Variants in FCGR3B observed in about 807,000 individuals in gnomAD.
The protein encoded by FCGR3B is Fc gamma receptor IIIb.
A neutral mutation model predicts 26.7 loss-of-function variants in FCGR3B; 20 were observed. The ratio of observed to expected loss-of-function variants is 0.75; its 90% CI spans 0.53 to 1.09. FCGR3B has a LOEUF of 1.09. Ranked by LOEUF, FCGR3B falls within the 50% of genes least tolerant of loss-of-function variation. The pLI is 0.00. For synonymous variants in FCGR3B, 79 were observed against 107.0 expected (o/e 0.74, Z 1.62); for missense variants, 191 against 279.7 (o/e 0.68, Z 2.26).
At chr1:161,624,904 G>A (rs1440517790) in intron 4 of FCGR3B, among the ~76,000 whole-genome samples, 1 of 143,820 alleles carries the variant, frequency 7.0e-6, no homozygotes, top group Non-Finnish European at 1.5e-5. Flanking sequence ...AACAAGTTAG[G>A]TTGTAAGCTG....
rs916587969 is a variant in FCGR3B, at chr1:161,631,155, G to T, written c.-61C>A. The T allele has an allele frequency of 1.1e-5, 18 of 1,607,390 alleles. 4 individuals carry two copies. The African/African-American group carries it at 1.8e-4, about 16-fold the overall frequency. On this transcript the variant is annotated 5_prime_UTR_variant, in exon 1 of 5. Coordinates refer to ENST00000650385, the MANE Select transcript of FCGR3B (RefSeq NM_001244753.2). Reference sequence around the variant, plus strand: ...TCCGGAGCCCTAAAGGGACCAAGCCGACTAGACAGGAGGGAGTAAACAGCC... The same window carrying T: ...TCCGGAGCCCTAAAGGGACCAAGCCTACTAGACAGGAGGGAGTAAACAGCC...
At position 161,630,288 on chromosome 1, in the gene FCGR3B, C is replaced by T. The variant is rs1679672523; in HGVS notation, c.61+80G>A. 29 of 1,447,158 alleles carry T rather than the reference C, an allele frequency of 2.0e-5. 1 individual carries two copies. Among genetic ancestry groups the T allele is most frequent in the Non-Finnish European group, 2.6e-5 (27 of 1,041,714 alleles). 89.6% of individuals were successfully genotyped at this position (1,447,158 alleles called of 1,614,324 possible). A position where few individuals can be genotyped will look rare whatever the true frequency, so the allele number is the denominator to read the frequency against. On this transcript the variant is annotated intron_variant, in intron 2 of 4. Coordinates refer to ENST00000650385, the MANE Select transcript of FCGR3B (RefSeq NM_001244753.2). ...CCCACATCAGCATTTTCCCATTCAA[C>T]AAGCATTTCCCAATATCTTATGGCC...
chr1:161,631,516 G>T (rs1366659556), upstream of FCGR3B: 2 of 462,364 alleles, frequency 4.3e-6, no homozygotes, highest in Non-Finnish European at 7.5e-6. Flanking sequence ...ATTCTCTGAG[G>T]GCTTCCTGCA....
rs1374924532 is a variant in FCGR3B at position 161,624,031 on chromosome 1, C to A, written c.*484G>T. The stretch of plus-strand genomic sequence containing the variant: ...CAGCAGTTCCCACACTCTGTAGGGT[C>A]CTGCCTCAACCATTAATTCTACTTA... On this transcript the variant is annotated 3_prime_UTR_variant, in exon 5 of 5. Transcript: ENST00000650385. 1 of 160,594 alleles carries A rather than the reference C, an allele frequency of 6.2e-6. No homozygotes were observed. The highest frequency in any genetic ancestry group is 1.4e-5 in the Non-Finnish European group (1 of 73,198). 9.9% of individuals were successfully genotyped at this position (160,594 alleles called of 1,614,324 possible). A position where few individuals can be genotyped will look rare whatever the true frequency, so the allele number is the denominator to read the frequency against.
chr1:161,631,258 A>T, upstream of FCGR3B: 1 of 1,506,116 alleles, frequency 6.6e-7, no homozygotes. Flanking sequence ...CTCAATCTGA[A>T]GTCTCGCAAT....
At position 161,626,631 on chromosome 1, in the gene FCGR3B, C is replaced by T. The variant is rs1489107777; in HGVS notation, c.320-229G>A. ...GAGGGACACACACACATGTGATCAA[C>T]ACACAGGGTTAGAGCAGAGGGACTA... On this transcript the variant is annotated intron_variant, in intron 3 of 4. Transcript: ENST00000650385. Among the ~76,000 whole-genome samples, 10 of 148,792 alleles carry T rather than the reference C, an allele frequency of 6.7e-5. No individual in the cohort carries two copies. The East Asian group carries it at 2.0e-3, about 29-fold the overall frequency.
chr1:161,630,912 G>T, intron 1 of FCGR3B, 143 bp downstream of exon 1: 1 of 1,450,266 alleles, frequency 6.9e-7, no homozygotes, highest in Non-Finnish European at 9.1e-7. Flanking sequence ...ATCTTGGCTT[G>T]TCCTGGTAGC....
In FCGR3B at chr1:161,626,832, T is replaced by A. The variant is rs183773575; in HGVS notation, c.320-430A>T. ...AGGAAAAGGTAGATTTCAGAAGGAA[T>A]AGGCAATCAAAGGAATATTGAAAGA... On this transcript the variant is annotated intron_variant, in intron 3 of 4. Transcript: ENST00000650385. 4.7e-5 allele frequency among the ~76,000 whole-genome samples: 7 copies of A among 150,414 alleles called. 1 individual carries two copies. The highest frequency in any genetic ancestry group is 1.7e-4 in the African/African-American group (7 of 40,472).
chr1:161,626,096 G>T (rs757115083), intron 4 of FCGR3B, 49 bp downstream of exon 4: 2 of 1,588,976 alleles, frequency 1.3e-6, no homozygotes, highest in Non-Finnish European at 1.7e-6. Context: ...GTGAGTGCAG[G>T]TTCCACACAC....
chr1:161,628,466 A>C (rs1466416783), intron 3 of FCGR3B, among the ~76,000 whole-genome samples: 1 of 149,770 alleles, frequency 6.7e-6, no homozygotes, highest in African/African-American at 2.5e-5. Context: ...GCCAAGTTCA[A>C]GGCAAACTAG....
Position 161,626,196 on chromosome 1 carries a change from C to T in FCGR3B, c.526G>A (p.Val176Ile), listed in dbSNP as rs200215055. 1.9e-5 allele frequency: 31 copies of T among 1,609,572 alleles called. No homozygotes were observed. The highest frequency in any genetic ancestry group is 2.4e-5 in the Non-Finnish European group (28 of 1,178,216). ...TCTGAAGACACATTTTTACTCCCAA[C>T]AAGCCCCCTGCAGAAGTAGGAGCCG... ...DSGSYFCRGL[V>I]GSKNVSSETV... Residue 176 changes from valine to isoleucine, a missense_variant, in exon 4 of 5, where the codon GTT (valine) becomes ATT (isoleucine). Around this residue, in one of 2 missense-constraint regions of FCGR3B, gnomAD observed 103 missense variants for 114.5 expected, o/e 0.90. Coordinates refer to ENST00000650385, the MANE Select transcript of FCGR3B (RefSeq NM_001244753.2).
chr1:161,626,242 T>C lies in FCGR3B; in HGVS notation c.480A>G (p.Pro160=), dbSNP rs114169903. 0.018 allele frequency: 28,602 copies of C among 1,607,670 alleles called. 599 individuals are homozygous for C. The highest frequency in any genetic ancestry group is 0.072 in the African/African-American group (5,256 of 73,460). ...YFHHNSDFHI[P]KATLKDSGSY... is the part of the protein sequence containing the mutation. ...AGCCGCTATCTTTGAGTGTGGCTTT[T>C]GGAATGTGGAAGTCAGAATTATGAT... Residue 160 remains proline, a synonymous_variant, in exon 4 of 5, where the codon CCA becomes CCG. Transcript: ENST00000650385.
chr1:161,630,860 T>C, intron 1 of FCGR3B, 195 bp downstream of exon 1: 1 of 1,349,506 alleles, frequency 7.4e-7, no homozygotes, highest in African/African-American at 1.5e-5. Flanking sequence ...CACTCATGAC[T>C]ATGACCCAAT....
rs1325867717 is a variant in FCGR3B at position 161,630,028 on chromosome 1, G to A, written c.69C>T (p.Leu23=). The change falls in exon 3 of 5, where the codon CTC becomes CTT. Residue 23 remains leucine, a synonymous_variant. Coordinates refer to ENST00000650385, the MANE Select transcript of FCGR3B (RefSeq NM_001244753.2). ...GCTCCAGGAACACCACAGCCTTTGG[G>A]AGATCTTCTGAGGAGCCAAGATAAT... is the stretch of plus-strand genomic sequence containing the variant. ...LVSAGMRTED[L]PKAVVFLEPQ... 7.0e-7 allele frequency: 1 copy of A among 1,422,822 alleles called. No homozygotes were observed. Among genetic ancestry groups the A allele is most frequent in the Admixed American group, 2.0e-5 (1 of 49,552 alleles). 88.1% of individuals were successfully genotyped at this position (1,422,822 alleles called of 1,614,324 possible). A position where few individuals can be genotyped will look rare whatever the true frequency, so the allele number is the denominator to read the frequency against.
Position 161,624,533 on chromosome 1 carries a change from A to G in FCGR3B, c.684T>C (p.Ser228=), listed in dbSNP as rs781340215. ...TTGAGCTTCAAATGTTTGTCTTCAC[A>G]GAGAAATATAGTCCTGTGTCCACTG... is the stretch of plus-strand genomic sequence containing the variant. ...LFAVDTGLYF[S]VKTNI Residue 228 remains serine (S), a synonymous_variant, in exon 5 of 5, where the codon TCT becomes TCC. Coordinates refer to ENST00000650385, the MANE Select transcript of FCGR3B (RefSeq NM_001244753.2). 8.1e-6 allele frequency: 13 copies of G among 1,606,980 alleles called. No homozygotes were observed. In the South Asian group the frequency reaches 1.2e-4, roughly 15 times the overall value.
chr1:161,628,197 A>C (rs61803015), intron 3 of FCGR3B, among the ~76,000 whole-genome samples: 88,148 of 149,182 alleles, frequency 0.59, 26,534 homozygotes, highest in Middle Eastern at 0.65. Context: ...CGCTGGAACC[A>C]GGGAGGTGGA....
chr1:161,625,069 A>G lies in FCGR3B; in HGVS notation c.578-430T>C, dbSNP rs144370735. On this transcript the variant is annotated intron_variant, in intron 4 of 4. Coordinates refer to ENST00000650385, the MANE Select transcript of FCGR3B (RefSeq NM_001244753.2). Reference sequence around the variant, plus strand: ...CCAGAATAGTATAAAGAAATCTCGTATATCCTTTACCCAGATCCACTCATT... The same window carrying G: ...CCAGAATAGTATAAAGAAATCTCGTGTATCCTTTACCCAGATCCACTCATT... Among the ~76,000 whole-genome samples the G allele has an allele frequency of 4.8e-3, 695 of 144,918 alleles. 58 individuals are homozygous for G. The highest frequency in any genetic ancestry group is 0.016 in the African/African-American group (650 of 39,720).
chr1:161,627,485 A>T (rs1413591170), intron 3 of FCGR3B, among the ~76,000 whole-genome samples: 1 of 150,532 alleles, frequency 6.6e-6, no homozygotes, highest in Non-Finnish European at 1.5e-5. Flanking sequence ...CTACTACCTG[A>T]TGCTAAACAA....
chr1:161,628,134 G>A lies in FCGR3B; in HGVS notation c.319+1644C>T, dbSNP rs567046983. Among the ~76,000 whole-genome samples, 7 of 149,966 alleles carry A rather than the reference G, an allele frequency of 4.7e-5. No individual in the cohort carries two copies. The South Asian group carries it at 6.4e-4, about 14-fold the overall frequency. On this transcript the variant is annotated intron_variant, in intron 3 of 4. Coordinates refer to ENST00000650385, the MANE Select transcript of FCGR3B (RefSeq NM_001244753.2). ...TAAAAATACAAAAAATTAGCCGGGC[G>A]TGGTGGCATGCACCTGTAGTCCCAG...
Sources: allele counts gnomAD v4.1 joint callset (sites outside exome capture counted in the v4.1 genomes callset), GRCh38; gene constraint gnomAD v4.1.1; regional missense constraint gnomAD v4.1.1; transcripts MANE v1.5; gene names NCBI Gene and HGNC (gene_info 2026-07-23, HGNC 2026-07-21).